Variants in PRKN observed in about 807,000 individuals in gnomAD.
PRKN encodes the protein parkin RBR E3 ubiquitin protein ligase, also known as E3 ubiquitin-protein ligase parkin.
In PRKN, 56 loss-of-function variants were observed where a neutral mutation model predicts 59.5. The ratio of observed to expected loss-of-function variants is 0.94; its 90% CI spans 0.76 to 1.18. The LOEUF (loss-of-function observed/expected upper bound fraction) is 1.18. PRKN is among the 50% of genes most tolerant of loss of function. The pLI, the probability that PRKN is intolerant of heterozygous loss-of-function variation, is 0.00. For synonymous variants in PRKN, 250 were observed against 222.1 expected (o/e 1.13, Z -1.12); for missense variants, 657 against 596.4 (o/e 1.10, Z -1.06).
chr6:162,099,405 T>C (rs1173461617), intron 4 of PRKN, among the ~76,000 whole-genome samples: 1 of 152,232 alleles, frequency 6.6e-6, no homozygotes, highest in East Asian at 1.9e-4. Context: ...AAAGTCAGCT[T>C]TTGACAGAAG....
chr6:161,750,449 C>G (rs548751930), intron 7 of PRKN, among the ~76,000 whole-genome samples: 3 of 152,044 alleles, frequency 2.0e-5, no homozygotes, highest in Admixed American at 2.0e-4. Flanking sequence ...TTCTTCCTGA[C>G]AAATCCATAA....
intron 1 of PRKN, among the ~76,000 whole-genome samples, chr6:162,500,611 C>T (rs1793320706): frequency 1.3e-5 from 2 of 152,122 alleles, no homozygotes; most frequent in African/African-American, 4.8e-5. Flanking sequence ...AGAAGAATGA[C>T]CTAAGTCAGT....
chr6:161,371,146 G>A lies in PRKN; in HGVS notation c.1168-10941C>T, dbSNP rs1056529763. ...CTCTTTTTGGAGAATATGTATATATGTATATATTTAAATGTATTTTGTTAT... is the reference window on the plus strand; with the variant it reads ...CTCTTTTTGGAGAATATGTATATATATATATATTTAAATGTATTTTGTTAT... On this transcript the variant is annotated intron_variant, in intron 10 of 11. Coordinates refer to ENST00000366898, the MANE Select transcript of PRKN (RefSeq NM_004562.3). This position sits in a 1 kb window ranked among gnomAD's most constrained non-coding sequence, Gnocchi z 5.5. Among the ~76,000 whole-genome samples the A allele has an allele frequency of 2.0e-5, 3 of 151,642 alleles. No individual in the cohort carries two copies. Among genetic ancestry groups the A allele is most frequent in the African/African-American group, 7.3e-5 (3 of 41,228 alleles).
rs570502079 is a variant in PRKN, at chr6:162,338,253, C to CTCTCCT, written c.172-75489_172-75488insAGGAGA. On this transcript the variant is annotated intron_variant, in intron 2 of 11. Coordinates refer to ENST00000366898, the MANE Select transcript of PRKN (RefSeq NM_004562.3). ...GTCTCTGAAAAAGAGTGTTCTCTCC[C>CTCTCCT]TCTCCCTCTCCCTCTCCCTACGGTC... is the stretch of plus-strand genomic sequence containing the variant. 4.1e-3 allele frequency among the ~76,000 whole-genome samples: 624 copies of CTCTCCT among 151,798 alleles called. 2 individuals carry two copies. The highest frequency in any genetic ancestry group is 0.014 in the African/African-American group (599 of 41,454).
intron 7 of PRKN, among the ~76,000 whole-genome samples, chr6:161,666,019 G>A (rs559978334): frequency 6.3e-4 from 96 of 152,252 alleles, no homozygotes; most frequent in African/African-American, 1.8e-3. Context: ...AGACTGCATC[G>A]CCTGGATTCC....
chr6:161,412,873 C>T (rs1231971686), intron 9 of PRKN, among the ~76,000 whole-genome samples: 8 of 152,096 alleles, frequency 5.3e-5, no homozygotes, highest in African/African-American at 1.9e-4. Flanking sequence ...CTCACTCATT[C>T]CTCCACTCAC....
chr6:161,784,642 A>G (rs192586618), intron 7 of PRKN, among the ~76,000 whole-genome samples: 9 of 152,322 alleles, frequency 5.9e-5, no homozygotes, highest in Admixed American at 1.3e-4. Flanking sequence ...GAATGTGGAG[A>G]GAGAGAAACC....
At chr6:161,645,143 T>A (rs1346878567) in intron 7 of PRKN, among the ~76,000 whole-genome samples, 1 of 152,154 alleles carries the variant, frequency 6.6e-6, no homozygotes, top group African/African-American at 2.4e-5. Context: ...AACCCAAGTA[T>A]TCTGACTCTA....
intron 5 of PRKN, among the ~76,000 whole-genome samples, chr6:162,021,742 A>T (rs1161538777): frequency 6.6e-6 from 1 of 152,056 alleles, no homozygotes; most frequent in Non-Finnish European, 1.5e-5. Flanking sequence ...AGTTTTGTAC[A>T]TGGGTATATC....
intron 1 of PRKN, among the ~76,000 whole-genome samples, chr6:162,713,546 G>A (rs1254484352): frequency 6.7e-6 from 1 of 150,328 alleles, no homozygotes; most frequent in African/African-American, 2.5e-5. Context: ...GGGAGGGAAG[G>A]CAGAAAAAGT....
At position 162,392,218 on chromosome 6, in the gene PRKN, G is replaced by C. The variant is rs188321225; in HGVS notation, c.171+51092C>G. On this transcript the variant is annotated intron_variant, in intron 2 of 11. Transcript: ENST00000366898. ...TACAGTATTTTCTCTCATTATTGTT[G>C]GTCTTCAAAGGCAACAACAGCATAA... 1.8e-3 allele frequency among the ~76,000 whole-genome samples: 271 copies of C among 152,030 alleles called. 1 individual carries two copies. Among genetic ancestry groups the C allele is most frequent in the Admixed American group, 2.9e-3 (45 of 15,276 alleles).
At chr6:162,616,532 A>G (rs1782427215) in intron 1 of PRKN, among the ~76,000 whole-genome samples, 1 of 151,942 alleles carries the variant, frequency 6.6e-6, no homozygotes, top group Non-Finnish European at 1.5e-5. Context: ...ATACAATGAT[A>G]CCCCCCCGTA....
chr6:161,860,758 A>T (rs566244219), intron 6 of PRKN, among the ~76,000 whole-genome samples: 3 of 152,322 alleles, frequency 2.0e-5, no homozygotes, highest in African/African-American at 7.2e-5. Flanking sequence ...ACCCCATCAA[A>T]AGAGGACAAA....
rs549170791 is a variant in PRKN, at chr6:161,359,593, C to A, written c.1285+495G>T. Among the ~76,000 whole-genome samples the A allele has an allele frequency of 3.7e-4, 56 of 152,344 alleles. No homozygotes were observed. Among genetic ancestry groups the A allele is most frequent in the Middle Eastern group, 3.4e-3 (1 of 294 alleles). The stretch of plus-strand genomic sequence containing the variant: ...ATGTCCAGGATAGACAGCAGGAAGT[C>A]CCCCACTGGTACTGTGAGTCATCAG... On this transcript the variant is annotated intron_variant, in intron 11 of 11. Coordinates refer to ENST00000366898, the MANE Select transcript of PRKN (RefSeq NM_004562.3). The surrounding 1 kb of genome is among the most constrained non-coding windows in gnomAD (Gnocchi z 5.4).
intron 1 of PRKN, among the ~76,000 whole-genome samples, chr6:162,541,753 C>T (rs1270528145): frequency 2.6e-5 from 4 of 152,076 alleles, no homozygotes; most frequent in Admixed American, 6.5e-5. Context: ...AGCCGTTTAG[C>T]GTTAAACAAC....
In PRKN at chr6:162,213,504, G is replaced by A. The variant is rs572905657; in HGVS notation, c.413-12252C>T. On this transcript the variant is annotated intron_variant, in intron 3 of 11. Transcript: ENST00000366898. ...GCAGTTTGGGAGGCTGAGACAAGTT[G>A]AGCTTGAGCTCAGGAGTTCGAGATC... Among the ~76,000 whole-genome samples, 116 of 152,228 alleles carry A rather than the reference G, an allele frequency of 7.6e-4. 1 individual carries two copies. The highest frequency in any genetic ancestry group is 2.7e-3 in the African/African-American group (113 of 41,546).
chr6:162,277,643 C>T (rs1780690948), intron 2 of PRKN, among the ~76,000 whole-genome samples: 1 of 152,110 alleles, frequency 6.6e-6, no homozygotes, highest in African/African-American at 2.4e-5. Flanking sequence ...AAGGCTTTAA[C>T]AGATACCTCA....
At chr6:162,229,493 G>T (rs767520413) in intron 3 of PRKN, among the ~76,000 whole-genome samples, 3 of 152,152 alleles carry the variant, frequency 2.0e-5, no homozygotes, top group Non-Finnish European at 4.4e-5. Context: ...TCCAACAGAG[G>T]CTGGGCTTTT....
At chr6:161,992,407 T>G (rs1423040652) in intron 5 of PRKN, among the ~76,000 whole-genome samples, 1 of 152,128 alleles carries the variant, frequency 6.6e-6, no homozygotes, top group Non-Finnish European at 1.5e-5. Flanking sequence ...AGCAAAAGGA[T>G]GTAACAATTC....
Sources: allele counts gnomAD v4.1 joint callset (sites outside exome capture counted in the v4.1 genomes callset), GRCh38; gene constraint gnomAD v4.1.1; non-coding constraint Gnocchi (gnomAD v3.1); transcripts MANE v1.5; gene names NCBI Gene and HGNC (gene_info 2026-07-23, HGNC 2026-07-21).